Variants in PIEZO2 observed in about 807,000 individuals in gnomAD.
PIEZO2 encodes piezo type mechanosensitive ion channel component 2.
PIEZO2 carries 172 observed loss-of-function variants against 337.3 expected under a neutral mutation model. The ratio of observed to expected loss-of-function variants is 0.51; its 90% CI spans 0.45 to 0.58. PIEZO2 has a LOEUF of 0.58. Ranked by LOEUF, PIEZO2 falls within the 20% of genes least tolerant of loss-of-function variation. The probability of loss-of-function intolerance (pLI) is 0.00; values close to 1 mark genes in which losing one functional copy is unlikely to be tolerated. For missense variants in PIEZO2, 3,028 were observed against 3,391.3 expected (o/e 0.89, Z 2.66); for synonymous variants, 1,251 against 1,228.5 (o/e 1.02, Z -0.38).
chr18:10,695,637 CT>C (rs1214742314), intron 47 of PIEZO2, among the ~76,000 whole-genome samples: 2 of 152,126 alleles, frequency 1.3e-5, no homozygotes, highest in African/African-American at 2.4e-5. Flanking sequence ...CCCTCTATCT[CT>C]TCTTCTATCC....
At position 10,769,996 on chromosome 18, in the gene PIEZO2, C is replaced by T. The variant is rs1005041919; in HGVS notation, c.2946+152G>A. On this transcript the variant is annotated intron_variant, in intron 21 of 55. Transcript: ENST00000674853. The stretch of plus-strand genomic sequence containing the variant: ...CCTTTTTCTCAGTGCTGCTGACCCT[C>T]GGATTTCTGTAAGTGTAAGTACTTA... The T allele has an allele frequency of 6.3e-6, 5 of 793,208 alleles. No individual in the cohort carries two copies. The African/African-American group carries it at 7.1e-5, about 11-fold the overall frequency. The allele number at this position is 793,208 out of a possible 1,614,324, so 49.1% of individuals were successfully genotyped here.
intron 30 of PIEZO2, among the ~76,000 whole-genome samples, chr18:10,747,126 A>G (rs1389062536): frequency 6.6e-6 from 1 of 152,180 alleles, no homozygotes; most frequent in African/African-American, 2.4e-5. Flanking sequence ...ATAGGCATGA[A>G]CTGTACTCTG....
rs760219411 is a variant in PIEZO2, at chr18:10,830,513, T to A, written c.918-23239A>T. The stretch of plus-strand genomic sequence containing the variant: ...AAAACTAGACCTCTATTTCTCTCCA[T>A]TTACAAACATCAAATCAAAATGGAT... On this transcript the variant is annotated intron_variant, in intron 7 of 55. Transcript: ENST00000674853. The surrounding 1 kb of genome is among the most constrained non-coding windows in gnomAD (Gnocchi z 4.7). 6.6e-6 allele frequency among the ~76,000 whole-genome samples: 1 copy of A among 151,748 alleles called. No homozygotes were observed. Among genetic ancestry groups the A allele is most frequent in the Non-Finnish European group, 1.5e-5 (1 of 67,988 alleles).
rs1234566714 is a variant in PIEZO2 at position 10,696,274 on chromosome 18, A to G, written c.6990T>C (p.Ala2330=). Residue 2330 remains alanine, a synonymous_variant, in exon 47 of 56, where the codon GCT becomes GCC. Coordinates refer to ENST00000674853, the MANE Select transcript of PIEZO2 (RefSeq NM_001378183.1). ...CTGACAGTGAAGAGGTGATGTCTGC[A>G]GCTGCTGAGTGTTTCTGGGGAAGAG... ...GFWAFGKHSA[A]ADITSSLSED... 1.2e-6 allele frequency: 2 copies of G among 1,614,100 alleles called. No homozygotes were observed. Among genetic ancestry groups the G allele is most frequent in the Non-Finnish European group, 1.7e-6 (2 of 1,180,030 alleles).
intron 39 of PIEZO2, among the ~76,000 whole-genome samples, 169 bp downstream of exon 39, chr18:10,714,595 G>T (rs1346145369): frequency 1.3e-5 from 2 of 152,284 alleles, no homozygotes; most frequent in East Asian, 3.9e-4. Flanking sequence ...TTCTAGGTGA[G>T]GACAATGTTC....
rs1029524821 is a variant in PIEZO2, at chr18:11,105,278, G to T, written c.65-39056C>A. ...CTGCAAACCAATATGGACTCACAAC[G>T]CCCATTTGACACACTCAGTGCCTTG... On this transcript the variant is annotated intron_variant, in intron 1 of 55. Transcript: ENST00000674853. The surrounding 1 kb of genome is among the most constrained non-coding windows in gnomAD (Gnocchi z 4.3). Among the ~76,000 whole-genome samples the T allele has an allele frequency of 6.6e-6, 1 of 152,088 alleles. No individual in the cohort carries two copies. Among genetic ancestry groups the T allele is most frequent in the African/African-American group, 2.4e-5 (1 of 41,424 alleles).
Position 10,736,801 on chromosome 18 carries a change from T to C in PIEZO2, c.4709-91A>G, listed in dbSNP as rs574871146. ...GAAATGTCCCCTAAAGATACACAAA[T>C]TGTCCATAAGAGAACCACAACGAAA... On this transcript the variant is annotated intron_variant, in intron 33 of 55. Transcript: ENST00000674853. 11 of 1,381,408 alleles carry C rather than the reference T, an allele frequency of 8.0e-6. No individual in the cohort carries two copies. The African/African-American group carries it at 1.6e-4, about 20-fold the overall frequency. The allele number at this position is 1,381,408 out of a possible 1,614,324, so 85.6% of individuals were successfully genotyped here.
intron 7 of PIEZO2, among the ~76,000 whole-genome samples, chr18:10,845,908 G>A (rs1012774801): frequency 1.3e-5 from 2 of 152,156 alleles, no homozygotes; most frequent in Admixed American, 1.3e-4. Context: ...CAAACACCAC[G>A]TTAAGAACCA....
chr18:11,100,265 A>T (rs2039374389), intron 1 of PIEZO2, among the ~76,000 whole-genome samples: 5 of 152,246 alleles, frequency 3.3e-5, no homozygotes, highest in Admixed American at 3.3e-4. Context: ...TTGAATCCAC[A>T]ATCACTTGAT....
At chr18:11,133,283 C>T (rs935746277) in intron 1 of PIEZO2, among the ~76,000 whole-genome samples, 8 of 152,068 alleles carry the variant, frequency 5.3e-5, no homozygotes, top group South Asian at 2.1e-4. Flanking sequence ...GGGATTGGCA[C>T]GTTTCCGGTT....
Position 10,750,233 on chromosome 18 carries a change from A to T in PIEZO2, c.4168-46T>A, listed in dbSNP as rs2037594873. ...ATAATCCTGAAGCTCTGCAGCCAGA[A>T]AAAAAAGTGGTGTTTTATGATCCCA... On this transcript the variant is annotated intron_variant, in intron 28 of 55. Coordinates refer to ENST00000674853, the MANE Select transcript of PIEZO2 (RefSeq NM_001378183.1). The surrounding 1 kb of genome is among the most constrained non-coding windows in gnomAD (Gnocchi z 4.1). 7.1e-7 allele frequency: 1 copy of T among 1,406,732 alleles called. No individual in the cohort carries two copies. Among genetic ancestry groups the T allele is most frequent in the African/African-American group, 1.4e-5 (1 of 70,446 alleles). 87.1% of individuals were successfully genotyped at this position (1,406,732 alleles called of 1,614,324 possible).
intron 49 of PIEZO2, among the ~76,000 whole-genome samples, chr18:10,684,733 T>G (rs2143549862): frequency 6.6e-6 from 1 of 152,362 alleles, no homozygotes; most frequent in East Asian, 1.9e-4. Flanking sequence ...CCCAAAGTGC[T>G]GGGATTACAA....
At chr18:10,959,305 G>A (rs765038762) in intron 3 of PIEZO2, among the ~76,000 whole-genome samples, 4 of 152,126 alleles carry the variant, frequency 2.6e-5, no homozygotes, top group Non-Finnish European at 5.9e-5. Context: ...ATTTTATAGA[G>A]ATTTCATCAA....
At chr18:10,826,132 G>A (rs2040670653) in intron 7 of PIEZO2, among the ~76,000 whole-genome samples, 1 of 152,126 alleles carries the variant, frequency 6.6e-6, no homozygotes, top group Non-Finnish European at 1.5e-5. Context: ...ATTTCTCCAA[G>A]GAGCCCTGGT....
chr18:10,884,152 G>A (rs753067617), intron 4 of PIEZO2, among the ~76,000 whole-genome samples: 6 of 152,086 alleles, frequency 3.9e-5, no homozygotes. Flanking sequence ...ACATGTAATC[G>A]TGATGATGTG....
chr18:11,010,808 T>G (rs1254542243), intron 2 of PIEZO2, among the ~76,000 whole-genome samples: 1 of 152,232 alleles, frequency 6.6e-6, no homozygotes, highest in Non-Finnish European at 1.5e-5. Context: ...TTTGCACATA[T>G]TTACATATTT....
rs776864540 is a variant in PIEZO2 at position 11,009,765 on chromosome 18, C to T, written c.161-30105G>A. Among the ~76,000 whole-genome samples the T allele has an allele frequency of 5.9e-5, 9 of 151,890 alleles. No individual in the cohort carries two copies. The highest frequency in any genetic ancestry group is 1.2e-4 in the Non-Finnish European group (8 of 68,010). The stretch of plus-strand genomic sequence containing the variant: ...CTTTAAAGAGGTAATTCAGGTAGCA[C>T]GAGGTCATAGAGGTGGGCCTAATCC... On this transcript the variant is annotated intron_variant, in intron 2 of 55. Transcript: ENST00000674853. The surrounding 1 kb of genome is among the most constrained non-coding windows in gnomAD (Gnocchi z 4.6).
At chr18:11,006,229 T>C (rs919067102) in intron 2 of PIEZO2, among the ~76,000 whole-genome samples, 8 of 152,198 alleles carry the variant, frequency 5.3e-5, no homozygotes, top group Admixed American at 4.6e-4. Context: ...TTGCTTACTT[T>C]CTCAAATGTA....
intron 7 of PIEZO2, among the ~76,000 whole-genome samples, chr18:10,817,102 A>G (rs58872643): frequency 0.01 from 1,527 of 152,324 alleles, 29 homozygotes; most frequent in African/African-American, 0.035. Flanking sequence ...AGTGATTTAT[A>G]TACACATTAA....
Sources: gnomAD v4.1 joint callset for allele counts (sites outside exome capture counted in the v4.1 genomes callset) on GRCh38, gnomAD v4.1.1 for gene constraint, Gnocchi (gnomAD v3.1) non-coding constraint, MANE v1.5 for transcripts, NCBI Gene and HGNC (gene_info 2026-07-23, HGNC 2026-07-21) for gene names.